STARD13: variants seen among roughly 807,000 people sequenced by gnomAD.
The protein encoded by STARD13 is StAR related lipid transfer domain containing 13.
A neutral mutation model predicts 106.4 loss-of-function variants in STARD13; 62 were observed. The observed-to-expected ratio is 0.58, with a 90% CI of 0.48 to 0.72. The LOEUF (loss-of-function observed/expected upper bound fraction) is 0.72, where lower values mean the gene tolerates loss of function less well. Among genes scored for constraint, STARD13 ranks in the 30% least tolerant of loss-of-function variants. The pLI, the probability that STARD13 is intolerant of heterozygous loss-of-function variation, is 0.00. For synonymous variants in STARD13, 565 were observed against 553.0 expected (o/e 1.02, Z -0.31); for missense variants, 1,387 against 1,424.0 (o/e 0.97, Z 0.42).
At chr13:33,468,381 C>A in the STARD13 span, among the ~76,000 whole-genome samples, 2 of 151,678 alleles carry the variant, frequency 1.3e-5, no homozygotes, top group East Asian at 3.9e-4. Flanking sequence ...TTGAATGTGT[C>A]CCCCAAGGTT....
At chr13:33,325,502 G>A (rs1357729535) in intron 1 of STARD13, among the ~76,000 whole-genome samples, 2 of 152,000 alleles carry the variant, frequency 1.3e-5, no homozygotes, top group East Asian at 1.9e-4. Context: ...TTTTATCTGA[G>A]GTACTTTAAA....
the STARD13 span, among the ~76,000 whole-genome samples, chr13:33,666,863 A>C: frequency 6.6e-6 from 1 of 152,210 alleles, no homozygotes; most frequent in African/African-American, 2.4e-5. Context: ...AAGTGCTGGG[A>C]TTACAGGCGG....
intron 7 of STARD13, among the ~76,000 whole-genome samples, chr13:33,123,705 A>G (rs1254901623): frequency 6.6e-6 from 1 of 152,246 alleles, no homozygotes. Context: ...GTTGCATCAT[A>G]TAGAAACTGC....
chr13:33,523,289 C>A, the STARD13 span, among the ~76,000 whole-genome samples: 2 of 152,090 alleles, frequency 1.3e-5, no homozygotes, highest in African/African-American at 4.8e-5. Context: ...TGCTGAGCCA[C>A]CAACACTTTA....
At chr13:33,566,097 A>G in the STARD13 span, among the ~76,000 whole-genome samples, 2 of 148,210 alleles carry the variant, frequency 1.3e-5, no homozygotes, top group Admixed American at 6.9e-5. Flanking sequence ...TGTGACATTC[A>G]CCTCACTTCA....
chr13:33,542,944 C>T, the STARD13 span, among the ~76,000 whole-genome samples: 1 of 152,222 alleles, frequency 6.6e-6, no homozygotes, highest in Non-Finnish European at 1.5e-5. Flanking sequence ...CGGGGAGGGA[C>T]CCGAGTCTCC....
chr13:33,512,412 G>A, the STARD13 span, among the ~76,000 whole-genome samples: 2 of 152,082 alleles, frequency 1.3e-5, no homozygotes, highest in African/African-American at 2.4e-5. Flanking sequence ...TTAGAGAAGT[G>A]TTAGAGTCCT....
intron 3 of STARD13, among the ~76,000 whole-genome samples, chr13:33,147,096 G>C (rs1880651944): frequency 6.6e-6 from 1 of 152,202 alleles, no homozygotes; most frequent in Non-Finnish European, 1.5e-5. Flanking sequence ...TATACCCAGG[G>C]TGTTTGTCAA....
chr13:33,201,721 G>T lies in STARD13; in HGVS notation c.170-34099C>A, dbSNP rs77895541. Among the ~76,000 whole-genome samples the T allele has an allele frequency of 2.8e-3, 420 of 152,256 alleles. 1 individual carries two copies. The highest frequency in any genetic ancestry group is 8.5e-3 in the African/African-American group (352 of 41,532). On this transcript the variant is annotated intron_variant, in intron 1 of 13. Coordinates refer to ENST00000336934, the MANE Select transcript of STARD13 (RefSeq NM_178006.4). ...GAATTTTCAAATTCTGGCCTCAAAG[G>T]TTACCTTATTTTCAACATTTTCTAA...
In STARD13 at chr13:33,105,716, G is replaced by T; in HGVS notation, c.3225-6C>A. ...ACCATTCTGGGGAGTGACCTCTGTG[G>T]GGAAAGAAATCAGAAAGGAAGTGGG... is the stretch of plus-strand genomic sequence containing the variant. On this transcript the variant is annotated splice_polypyrimidine_tract_variant and splice_region_variant and intron_variant, in intron 13 of 13. Transcript: ENST00000336934. 2 of 1,606,514 alleles carry T rather than the reference G, an allele frequency of 1.2e-6. No individual in the cohort carries two copies. The highest frequency in any genetic ancestry group is 1.7e-6 in the Non-Finnish European group (2 of 1,173,130).
rs778075789 is a variant in STARD13, at chr13:33,110,827, C to T, written c.2688G>A (p.Gly896=). The T allele has an allele frequency of 6.2e-7, 1 of 1,614,148 alleles. No homozygotes were observed. Among genetic ancestry groups the T allele is most frequent in the Admixed American group, 1.7e-5 (1 of 60,034 alleles). The change falls in exon 11 of 14, where the codon GGG becomes GGA. Residue 896 remains glycine, a synonymous_variant. Coordinates refer to ENST00000336934, the MANE Select transcript of STARD13 (RefSeq NM_178006.4). The part of the protein sequence containing the change: ...EIHVPTLEEL[G]TQLEESGATF... ...TTGCCCCACTCTCCTCCAGCTGTGT[C>T]CCCAATTCTTCCAGGGTTGGCACGT...
At chr13:33,605,652 A>G in the STARD13 span, among the ~76,000 whole-genome samples, 1 of 152,188 alleles carries the variant, frequency 6.6e-6, no homozygotes, top group African/African-American at 2.4e-5. Context: ...GCGCTGTTCT[A>G]GGAAAACATC....
the STARD13 span, among the ~76,000 whole-genome samples, chr13:33,417,954 C>G: frequency 6.6e-6 from 1 of 152,154 alleles, no homozygotes; most frequent in Non-Finnish European, 1.5e-5. Context: ...TTAAAAAAAT[C>G]TGTTATAGAT....
chr13:33,452,545 T>G, the STARD13 span, among the ~76,000 whole-genome samples: 12 of 152,222 alleles, frequency 7.9e-5, no homozygotes, highest in African/African-American at 2.7e-4. Context: ...TCTATTTTCC[T>G]TAAGACATTA....
At chr13:33,171,987 C>A (rs1884016146) in intron 1 of STARD13, among the ~76,000 whole-genome samples, 2 of 152,198 alleles carry the variant, frequency 1.3e-5, no homozygotes, top group Admixed American at 6.5e-5. Context: ...TGGAAACAAA[C>A]CATGGCCGAT....
At chr13:33,360,030 G>A in the STARD13 span, among the ~76,000 whole-genome samples, 1 of 152,164 alleles carries the variant, frequency 6.6e-6, no homozygotes, top group African/African-American at 2.4e-5. Context: ...AGATAAACAA[G>A]GGGTTATGAG....
the STARD13 span, among the ~76,000 whole-genome samples, chr13:33,532,317 C>T: frequency 3.9e-5 from 6 of 152,208 alleles, no homozygotes; most frequent in Non-Finnish European, 8.8e-5. Flanking sequence ...TAATTATGAT[C>T]TCTTATAAAT....
At chr13:33,360,443 A>G in the STARD13 span, among the ~76,000 whole-genome samples, 4 of 151,550 alleles carry the variant, frequency 2.6e-5, no homozygotes, top group African/African-American at 7.3e-5. Context: ...TGACCTTGTG[A>G]TCCACACACC....
chr13:33,631,308 T>C, the STARD13 span, among the ~76,000 whole-genome samples: 199 of 152,354 alleles, frequency 1.3e-3, 1 homozygote, highest in African/African-American at 4.5e-3. Context: ...TCTAAAACCA[T>C]TTATCCAGTT....
Sources: allele counts gnomAD v4.1 joint callset (sites outside exome capture counted in the v4.1 genomes callset), GRCh38; gene constraint gnomAD v4.1.1; transcripts MANE v1.5; gene names NCBI Gene and HGNC (gene_info 2026-07-23, HGNC 2026-07-21).